The following ZNF423 variants were observed in gnomAD, a reference collection of about 807,000 sequenced individuals.
ZNF423 encodes Ebf-associated zinc finger protein.
A neutral mutation model predicts 95.8 loss-of-function variants in ZNF423; 12 were observed. That is an observed-to-expected ratio of 0.13 (90% CI 0.08 to 0.20). The LOEUF is 0.20. ZNF423 is among the 10% of genes least tolerant of loss of function. The pLI, the probability that ZNF423 is intolerant of heterozygous loss-of-function variation, is 1.00. For missense variants in ZNF423, 1,316 were observed against 1,737.1 expected (o/e 0.76, Z 4.31); for synonymous variants, 749 against 711.9 (o/e 1.05, Z -0.83).
At position 49,529,627 on chromosome 16, in the gene ZNF423, T is replaced by C. The variant is rs539589006; in HGVS notation, c.3602-4133A>G. On this transcript the variant is annotated intron_variant, in intron 5 of 7. Transcript: ENST00000563137. ...TTTGTCTCCAAAAGCATTTGATCCC[T>C]GGCAGACACATACTTATTTCCATAC... Among the ~76,000 whole-genome samples the C allele has an allele frequency of 2.2e-3, 329 of 152,178 alleles. 1 individual carries two copies. Among genetic ancestry groups the C allele is most frequent in the Non-Finnish European group, 4.2e-3 (288 of 68,010 alleles).
intron 5 of ZNF423, among the ~76,000 whole-genome samples, chr16:49,611,403 G>C (rs1971717631): frequency 6.6e-6 from 1 of 151,910 alleles, no homozygotes; most frequent in African/African-American, 2.4e-5. Context: ...AAATAATCAT[G>C]GATCAAAGAG....
rs559874638 is a variant in ZNF423 at position 49,623,499 on chromosome 16, G to A, written c.3601+2671C>T. 3.4e-4 allele frequency among the ~76,000 whole-genome samples: 52 copies of A among 152,344 alleles called. 2 individuals are homozygous for A. In the South Asian group the frequency reaches 8.3e-3, roughly 24 times the overall value. ...CTGCAGTCCAATTAGCCAGGCTTGC[G>A]CCCTTCATGCTTACAAACAGGAACG... On this transcript the variant is annotated intron_variant, in intron 5 of 7. Transcript: ENST00000563137.
At position 49,855,425 on chromosome 16, in the gene ZNF423, G is replaced by A. The variant is rs1419958776; in HGVS notation, c.40+310C>T. ...GGCCCCGCACGGAGGGAGCGGCAAG[G>A]GCCCCTTAGCGGCGCCCCCAGGCCT... On this transcript the variant is annotated intron_variant, in intron 1 of 7. Transcript: ENST00000563137. The surrounding 1 kb of genome is among the most constrained non-coding windows in gnomAD (Gnocchi z 4.7). 1.3e-5 allele frequency among the ~76,000 whole-genome samples: 2 copies of A among 150,788 alleles called. No homozygotes were observed. The highest frequency in any genetic ancestry group is 2.4e-5 in the African/African-American group (1 of 40,922).
chr16:49,629,459 C>T (rs1181508680), intron 4 of ZNF423, among the ~76,000 whole-genome samples: 1 of 152,216 alleles, frequency 6.6e-6, no homozygotes, highest in African/African-American at 2.4e-5. Context: ...TAAGTAACTA[C>T]AGGCCTTTGC....
chr16:49,726,172 C>T (rs1289363587), intron 3 of ZNF423, among the ~76,000 whole-genome samples: 2 of 152,162 alleles, frequency 1.3e-5, no homozygotes, highest in Non-Finnish European at 2.9e-5. Context: ...AGGAACAGCA[C>T]TAGGAAAGTC....
intron 5 of ZNF423, among the ~76,000 whole-genome samples, chr16:49,615,128 TCTCACACA>T (rs1281672709): frequency 6.1e-5 from 6 of 98,452 alleles, no homozygotes; most frequent in Admixed American, 1.1e-4. Flanking sequence ...AGAAACTCCA[TCTCACACA>T]CACACACACA....
rs1966907477 is a variant in ZNF423, at chr16:49,490,249, C to G, written c.*1026G>C. 6.6e-6 allele frequency: 1 copy of G among 152,306 alleles called. No homozygotes were observed. The highest frequency in any genetic ancestry group is 2.1e-4 in the South Asian group (1 of 4,834). The allele number at this position is 152,306 out of a possible 1,614,324, so 9.4% of individuals were successfully genotyped here. A position where few individuals can be genotyped will look rare whatever the true frequency, so the allele number is the denominator to read the frequency against. Reference sequence around the variant, plus strand: ...TGTATCCAACAAAGGGGAAAGCCAACCCTGAAGGGAAAGCCAAGAAGACTT... The same window carrying G: ...TGTATCCAACAAAGGGGAAAGCCAAGCCTGAAGGGAAAGCCAAGAAGACTT... On this transcript the variant is annotated 3_prime_UTR_variant, in exon 8 of 8. Coordinates refer to ENST00000563137, the MANE Select transcript of ZNF423 (RefSeq NM_001379286.1).
At chr16:49,608,868 C>A (rs1195113255) in intron 5 of ZNF423, among the ~76,000 whole-genome samples, 1 of 152,198 alleles carries the variant, frequency 6.6e-6, no homozygotes, top group Non-Finnish European at 1.5e-5. Context: ...TCTGAGACTG[C>A]CGTGCTGGCA....
At chr16:49,668,179 C>T (rs181409781) in intron 3 of ZNF423, among the ~76,000 whole-genome samples, 10 of 152,248 alleles carry the variant, frequency 6.6e-5, no homozygotes, top group Admixed American at 4.6e-4. Context: ...AGGAGTTCAC[C>T]AAGTCCTCAA....
chr16:49,562,082 T>C (rs1970034530), intron 5 of ZNF423, among the ~76,000 whole-genome samples: 1 of 152,246 alleles, frequency 6.6e-6, no homozygotes, highest in Non-Finnish European at 1.5e-5. Context: ...TGTGAGAAGC[T>C]GTAGACATAA....
intron 3 of ZNF423, among the ~76,000 whole-genome samples, chr16:49,722,103 C>T (rs4785334): frequency 0.087 from 13,269 of 152,224 alleles, 1,038 homozygotes; most frequent in African/African-American, 0.21. Context: ...ACACAGCTGT[C>T]TGAGCCAAGA....
chr16:49,852,737 T>C, intron 1 of ZNF423, among the ~76,000 whole-genome samples: 1 of 152,088 alleles, frequency 6.6e-6, no homozygotes, highest in East Asian at 1.9e-4. Context: ...ACAAGGCTTC[T>C]GAAAACCAAT....
chr16:49,853,570 C>T (rs2035325100), intron 1 of ZNF423: 1 of 920,632 alleles, frequency 1.1e-6, no homozygotes, highest in Non-Finnish European at 1.3e-6. Flanking sequence ...CACCGAGTCT[C>T]GAAATGCCTC....
rs550056941 is a variant in ZNF423 at position 49,615,054 on chromosome 16, C to A, written c.3601+11116G>T. ...GCTGAGGCAGGAGAATCACTTGAAC[C>A]TGGGAGGCAGAGGTTGCAGTGAGGC... On this transcript the variant is annotated intron_variant, in intron 5 of 7. Coordinates refer to ENST00000563137, the MANE Select transcript of ZNF423 (RefSeq NM_001379286.1). 2.6e-5 allele frequency among the ~76,000 whole-genome samples: 4 copies of A among 151,940 alleles called. No homozygotes were observed. The East Asian group carries it at 5.8e-4, about 22-fold the overall frequency.
intron 2 of ZNF423, among the ~76,000 whole-genome samples, chr16:49,779,743 A>T (rs919028016): frequency 6.6e-6 from 1 of 152,152 alleles, no homozygotes. Context: ...GGACAGCGGG[A>T]TCCTTGGGGA....
chr16:49,686,421 G>A (rs920815502), intron 3 of ZNF423, among the ~76,000 whole-genome samples: 1 of 152,122 alleles, frequency 6.6e-6, no homozygotes, highest in Non-Finnish European at 1.5e-5. Context: ...GGCACGTAGT[G>A]GAGGTGACAT....
chr16:49,812,852 G>A (rs1383722338), intron 1 of ZNF423, among the ~76,000 whole-genome samples: 2 of 152,164 alleles, frequency 1.3e-5, no homozygotes, highest in African/African-American at 2.4e-5. Context: ...CTGAACACAC[G>A]TAAATTGCCC....
chr16:49,493,390 A>G (rs1967046913), intron 7 of ZNF423, among the ~76,000 whole-genome samples: 1 of 152,162 alleles, frequency 6.6e-6, no homozygotes, highest in South Asian at 2.1e-4. Flanking sequence ...GCTGAGCTGC[A>G]CACAGGGTGG....
intron 3 of ZNF423, among the ~76,000 whole-genome samples, chr16:49,682,701 C>T (rs2031413366): frequency 6.6e-6 from 1 of 152,216 alleles, no homozygotes; most frequent in Admixed American, 6.5e-5. Flanking sequence ...CAGGTTCAAA[C>T]ACCATCCCTG....
Sources: gnomAD v4.1 joint callset for allele counts (sites outside exome capture counted in the v4.1 genomes callset) on GRCh38, gnomAD v4.1.1 for gene constraint, Gnocchi (gnomAD v3.1) non-coding constraint, MANE v1.5 for transcripts, NCBI Gene and HGNC (gene_info 2026-07-23, HGNC 2026-07-21) for gene names.